Variants in DCC observed in about 807,000 individuals in gnomAD.
DCC encodes netrin receptor DCC.
A neutral mutation model predicts 172.5 loss-of-function variants in DCC; 58 were observed. The ratio of observed to expected loss-of-function variants is 0.34; its 90% CI spans 0.27 to 0.42. The LOEUF is 0.42. Among genes scored for constraint, DCC ranks in the 10% least tolerant of loss-of-function variants. The pLI is 1.00. For synonymous variants in DCC, 709 were observed against 644.5 expected, an observed-to-expected ratio of 1.10 and a Z score of -1.52; for missense variants, 1,740 against 1,791.0, an observed-to-expected ratio of 0.97 and a Z score of 0.51.
chr18:52,833,683 A>G (rs1169402003), intron 2 of DCC, among the ~76,000 whole-genome samples: 1 of 152,154 alleles, frequency 6.6e-6, no homozygotes, highest in Non-Finnish European at 1.5e-5. Context: ...TTGGGATATG[A>G]GGTGAAATGG....
chr18:53,262,712 G>T (rs1180463122), intron 12 of DCC, among the ~76,000 whole-genome samples: 1 of 152,126 alleles, frequency 6.6e-6, no homozygotes, highest in Non-Finnish European at 1.5e-5. Context: ...TTCATCAGAG[G>T]TTATTTAGTT....
At chr18:52,724,108 C>G (rs369656697) in intron 1 of DCC, among the ~76,000 whole-genome samples, 1 of 152,080 alleles carries the variant, frequency 6.6e-6, no homozygotes, top group Non-Finnish European at 1.5e-5. Flanking sequence ...CTTTATTTTA[C>G]CTTTCATGGA....
Position 53,091,861 on chromosome 18 carries a change from A to ATCAATCTATC in DCC, c.1261+25696_1261+25697insCAATCTATCT, listed in dbSNP as rs772452207. 6.9e-3 allele frequency among the ~76,000 whole-genome samples: 435 copies of ATCAATCTATC among 63,334 alleles called. 4 individuals carry two copies. The highest frequency in any genetic ancestry group is 0.047 in the East Asian group (65 of 1,388). The allele number at this position is 63,334 out of a possible 152,430, so 41.5% of individuals were successfully genotyped here. A position where few individuals can be genotyped will look rare whatever the true frequency, so the allele number is the denominator to read the frequency against. ...TATCTATCTATCTATCAATCTATCT[A>ATCAATCTATC]TATATATATATATATCTACATAAAT... is the stretch of plus-strand genomic sequence containing the variant. On this transcript the variant is annotated intron_variant, in intron 7 of 28. Transcript: ENST00000442544.
At chr18:53,119,603 C>T (rs887260423) in intron 7 of DCC, among the ~76,000 whole-genome samples, 1 of 151,872 alleles carries the variant, frequency 6.6e-6, no homozygotes, top group Non-Finnish European at 1.5e-5. Context: ...TAAGTTGACT[C>T]AGATCTGGAA....
chr18:52,847,860 C>T (rs1431751), intron 2 of DCC, among the ~76,000 whole-genome samples: 4,068 of 152,186 alleles, frequency 0.027, 164 homozygotes, highest in African/African-American at 0.09. Flanking sequence ...TTGAGTAGGT[C>T]ACTTACCATT....
intron 12 of DCC, among the ~76,000 whole-genome samples, chr18:53,224,761 G>A (rs916839854): frequency 2.0e-5 from 3 of 152,158 alleles, no homozygotes; most frequent in Non-Finnish European, 4.4e-5. Flanking sequence ...TAAGCAGATT[G>A]TGGAGCTACT....
intron 1 of DCC, among the ~76,000 whole-genome samples, chr18:52,388,954 A>G (rs72916970): frequency 0.089 from 13,523 of 152,200 alleles, 740 homozygotes; most frequent in South Asian, 0.16. Context: ...TAATAGCCAG[A>G]GATCGTTCAG....
intron 1 of DCC, among the ~76,000 whole-genome samples, chr18:52,711,654 T>A (rs1238150325): frequency 1.3e-5 from 2 of 152,136 alleles, no homozygotes; most frequent in Non-Finnish European, 2.9e-5. Flanking sequence ...ATAGCCCCTT[T>A]GATTTTGCTG....
Position 53,048,674 on chromosome 18 carries a change from GAT to G in DCC, c.986-14619_986-14618del, listed in dbSNP as rs1320406831. On this transcript the variant is annotated intron_variant, in intron 5 of 28. Transcript: ENST00000442544. ...CACATTCTTTTATATATGTATATAT[GAT>G]ATATATATATACCTATTCTTTTGGA... Among the ~76,000 whole-genome samples the G allele has an allele frequency of 3.3e-5, 5 of 149,674 alleles. No homozygotes were observed. The South Asian group carries it at 6.3e-4, about 19-fold the overall frequency.
chr18:52,500,554 G>T (rs954328416), intron 1 of DCC, among the ~76,000 whole-genome samples: 1 of 152,146 alleles, frequency 6.6e-6, no homozygotes, highest in African/African-American at 2.4e-5. Flanking sequence ...GCGCTAATAA[G>T]TATGTCTTTA....
chr18:52,811,960 A>C (rs1012405782), intron 2 of DCC, among the ~76,000 whole-genome samples: 2 of 152,228 alleles, frequency 1.3e-5, no homozygotes, highest in Non-Finnish European at 2.9e-5. Flanking sequence ...AAATAAGCAA[A>C]GCCAAATTTC....
intron 12 of DCC, among the ~76,000 whole-genome samples, chr18:53,223,176 T>C (rs1190837068): frequency 6.6e-6 from 1 of 152,104 alleles, no homozygotes; most frequent in Non-Finnish European, 1.5e-5. Context: ...TAGGAAAACA[T>C]TTTCTAGACT....
intron 5 of DCC, among the ~76,000 whole-genome samples, chr18:52,967,604 T>A (rs2040956539): frequency 6.6e-6 from 1 of 152,206 alleles, no homozygotes; most frequent in Non-Finnish European, 1.5e-5. Context: ...AGTGTCTGTC[T>A]CTCTCTTCAA....
chr18:53,155,836 G>A (rs2054723156), intron 7 of DCC, among the ~76,000 whole-genome samples: 2 of 152,226 alleles, frequency 1.3e-5, no homozygotes, highest in Admixed American at 1.3e-4. Context: ...AGACCAGCCT[G>A]GCCAACATAG....
chr18:52,502,226 AATT>A (rs1367282612), intron 1 of DCC, among the ~76,000 whole-genome samples: 2 of 152,206 alleles, frequency 1.3e-5, no homozygotes. Flanking sequence ...GAATTAAAGA[AATT>A]ATAAACTAGA....
At chr18:52,811,181 A>T (rs1340172021) in intron 2 of DCC, among the ~76,000 whole-genome samples, 2 of 152,266 alleles carry the variant, frequency 1.3e-5, no homozygotes, top group Non-Finnish European at 2.9e-5. Context: ...TATATCACAC[A>T]CAGGTACATG....
intron 1 of DCC, among the ~76,000 whole-genome samples, chr18:52,420,768 A>G (rs1169806012): frequency 1.3e-5 from 2 of 152,136 alleles, no homozygotes; most frequent in Non-Finnish European, 2.9e-5. Flanking sequence ...GGTGGGAGAA[A>G]GGGCCTCAAA....
chr18:53,245,711 G>T (rs541038928), intron 12 of DCC, among the ~76,000 whole-genome samples: 1 of 152,176 alleles, frequency 6.6e-6, no homozygotes, highest in African/African-American at 2.4e-5. Context: ...AATAGCAAAA[G>T]ATTTAACAGT....
chr18:52,692,372 A>G (rs12968558), intron 1 of DCC, among the ~76,000 whole-genome samples: 6,826 of 152,234 alleles, frequency 0.045, 216 homozygotes, highest in South Asian at 0.13. Flanking sequence ...CCTCTGCCCT[A>G]TAGACATTCT....
Sources: allele counts gnomAD v4.1 joint callset (sites outside exome capture counted in the v4.1 genomes callset), GRCh38; gene constraint gnomAD v4.1.1; transcripts MANE v1.5; gene names NCBI Gene and HGNC (gene_info 2026-07-23, HGNC 2026-07-21).